The following EFL1 variants were observed in gnomAD, a reference collection of about 807,000 sequenced individuals.
The protein encoded by EFL1 is elongation factor like GTPase 1, also known as elongation factor-like GTPase 1.
EFL1 carries 76 observed loss-of-function variants against 126.7 expected under a neutral mutation model. The ratio of observed to expected loss-of-function variants is 0.60; its 90% CI spans 0.50 to 0.73. The LOEUF (loss-of-function observed/expected upper bound fraction) is 0.73. EFL1 is among the 30% of genes least tolerant of loss of function. EFL1 has a pLI of 0.00. For missense variants in EFL1, 1,128 were observed against 1,343.2 expected (o/e 0.84, Z 2.50); for synonymous variants, 410 against 448.4 (o/e 0.91, Z 1.08).
At chr15:82,241,908 A>C (rs2074934953) in intron 4 of EFL1, among the ~76,000 whole-genome samples, 1 of 152,232 alleles carries the variant, frequency 6.6e-6, no homozygotes, top group African/African-American at 2.4e-5. Flanking sequence ...AATTCTACAA[A>C]AACTTAAGGA....
intron 17 of EFL1, among the ~76,000 whole-genome samples, chr15:82,156,327 G>A (rs1458899025): frequency 6.6e-6 from 1 of 151,980 alleles, no homozygotes; most frequent in Non-Finnish European, 1.5e-5. Flanking sequence ...TTGCTCTGTT[G>A]CCAGGCTACA....
chr15:82,137,487 C>T (rs944468202), intron 19 of EFL1, among the ~76,000 whole-genome samples: 1 of 152,152 alleles, frequency 6.6e-6, no homozygotes, highest in African/African-American at 2.4e-5. Context: ...AAACAATCTT[C>T]GCATCAGCAA....
At chr15:82,254,787 A>G (rs1275113705) in intron 3 of EFL1, among the ~76,000 whole-genome samples, 1 of 152,218 alleles carries the variant, frequency 6.6e-6, no homozygotes, top group Non-Finnish European at 1.5e-5. Context: ...TAGAGAATGA[A>G]GGAAGGGTAA....
At chr15:82,157,563 A>T in intron 17 of EFL1, 150 bp downstream of exon 17, 1 of 917,328 alleles carries the variant, frequency 1.1e-6, no homozygotes, top group Non-Finnish European at 1.6e-6. Context: ...AAATAAGTCT[A>T]CAATCGAATA....
intron 15 of EFL1, among the ~76,000 whole-genome samples, chr15:82,188,918 C>CTTTT (rs200171867): frequency 1.5e-5 from 2 of 133,630 alleles, no homozygotes; most frequent in Admixed American, 7.5e-5. Context: ...TGTGTTTATG[C>CTTTT]TTTTTTTTTT....
intron 7 of EFL1, among the ~76,000 whole-genome samples, chr15:82,236,131 C>T (rs991829174): frequency 6.6e-6 from 1 of 151,790 alleles, no homozygotes; most frequent in Non-Finnish European, 1.5e-5. Context: ...CACTTGGATG[C>T]TGAAAACTAC....
intron 4 of EFL1, among the ~76,000 whole-genome samples, chr15:82,246,498 A>G (rs1409297524): frequency 1.3e-5 from 2 of 152,094 alleles, no homozygotes; most frequent in Non-Finnish European, 2.9e-5. Flanking sequence ...ATTGTAGGAT[A>G]ACTTTGACTA....
intron 15 of EFL1, among the ~76,000 whole-genome samples, chr15:82,198,119 A>T (rs2074427214): frequency 6.6e-6 from 1 of 152,234 alleles, no homozygotes; most frequent in Non-Finnish European, 1.5e-5. Context: ...GCACAGGCTC[A>T]TGCATGCGCT....
intron 15 of EFL1, among the ~76,000 whole-genome samples, chr15:82,173,276 G>A (rs1222840931): frequency 6.6e-6 from 1 of 151,992 alleles, no homozygotes; most frequent in Non-Finnish European, 1.5e-5. Context: ...ATTATGCAAA[G>A]TTTAAAAATT....
At chr15:82,153,991 A>G (rs181663210) in intron 17 of EFL1, among the ~76,000 whole-genome samples, 51 of 152,336 alleles carry the variant, frequency 3.3e-4, no homozygotes, top group African/African-American at 1.2e-3. Flanking sequence ...AAACTACGAG[A>G]GAGAACACAT....
intron 7 of EFL1, among the ~76,000 whole-genome samples, chr15:82,235,234 G>C (rs1188180990): frequency 2.0e-5 from 3 of 152,134 alleles, no homozygotes; most frequent in Non-Finnish European, 2.9e-5. Context: ...TGTTTCAAAG[G>C]AGTGTTGTCA....
chr15:82,131,572 T>C (rs190065031), intron 19 of EFL1, among the ~76,000 whole-genome samples: 154 of 152,164 alleles, frequency 1.0e-3, no homozygotes, highest in African/African-American at 3.6e-3. Flanking sequence ...AGGTGGATCA[T>C]CTGAGGTCAG....
chr15:82,174,294 C>A (rs767068389), intron 15 of EFL1: 2 of 152,084 alleles, frequency 1.3e-5, no homozygotes, highest in Non-Finnish European at 2.9e-5. Context: ...TTGGGGAAAT[C>A]GCAGGGGTCA....
intron 15 of EFL1, among the ~76,000 whole-genome samples, chr15:82,204,157 A>C (rs2074500494): frequency 6.6e-6 from 1 of 152,142 alleles, no homozygotes; most frequent in Non-Finnish European, 1.5e-5. Flanking sequence ...CTTCACATCT[A>C]ATGTCTGCCA....
At chr15:82,170,106 C>CT (rs760955432) in intron 15 of EFL1, among the ~76,000 whole-genome samples, 14,767 of 78,832 alleles carry the variant, frequency 0.19, 3,205 homozygotes, top group Middle Eastern at 0.23. Flanking sequence ...CACTGGATGT[C>CT]TTTTTTTTTT....
At chr15:82,167,073 A>G (rs970372838) in intron 15 of EFL1, among the ~76,000 whole-genome samples, 6 of 152,170 alleles carry the variant, frequency 3.9e-5, no homozygotes, top group Non-Finnish European at 5.9e-5. Flanking sequence ...TTATTTTCAC[A>G]TTTCATGGAT....
chr15:82,157,060 T>C (rs1458453377), intron 17 of EFL1, among the ~76,000 whole-genome samples: 1 of 152,160 alleles, frequency 6.6e-6, no homozygotes, highest in Non-Finnish European at 1.5e-5. Context: ...CTTCCAGAAG[T>C]TTATCTTAAC....
chr15:82,210,097 C>CA (rs1280992712), intron 15 of EFL1, among the ~76,000 whole-genome samples: 1 of 152,206 alleles, frequency 6.6e-6, no homozygotes, highest in African/African-American at 2.4e-5. Flanking sequence ...ATGAAGTTTA[C>CA]AGGTGTGCCC....
intron 7 of EFL1, among the ~76,000 whole-genome samples, chr15:82,235,582 C>T (rs569043161): frequency 6.6e-6 from 1 of 151,980 alleles, no homozygotes; most frequent in South Asian, 2.1e-4. Flanking sequence ...TATTAACAAG[C>T]TAAAGAAGAA....
Sources: allele counts gnomAD v4.1 joint callset (sites outside exome capture counted in the v4.1 genomes callset), GRCh38; gene constraint gnomAD v4.1.1; transcripts MANE v1.5; gene names NCBI Gene and HGNC (gene_info 2026-07-23, HGNC 2026-07-21).